Variants in RNF213 observed in about 807,000 individuals in gnomAD.
RNF213 encodes the protein E3 ubiquitin-protein ligase RNF213.
RNF213 carries 341 observed loss-of-function variants against 514.4 expected under a neutral mutation model. That is an observed-to-expected ratio of 0.66 (90% CI 0.61 to 0.73). The LOEUF (loss-of-function observed/expected upper bound fraction) is 0.73. Ranked by LOEUF, RNF213 falls within the 30% of genes least tolerant of loss-of-function variation. The pLI, the probability that RNF213 is intolerant of heterozygous loss-of-function variation, is 0.00. For missense variants in RNF213, 5,767 were observed against 6,615.6 expected (o/e 0.87, Z 4.45); for synonymous variants, 2,655 against 2,658.2 (o/e 1.00, Z 0.04).
chr17:80,307,508 G>A (rs904975281), intron 13 of RNF213, among the ~76,000 whole-genome samples: 4 of 151,326 alleles, frequency 2.6e-5, no homozygotes, highest in Admixed American at 1.3e-4. Context: ...GATTACAGGC[G>A]CACCCCACCA....
chr17:80,349,957 T>C (rs7223115), intron 30 of RNF213, 51 bp downstream of exon 30: 1,116,777 of 1,609,484 alleles, frequency 0.69, 390,791 homozygotes, highest in Middle Eastern at 0.74. Context: ...GCCGCAGCCG[T>C]GTGGCTTCTG....
rs768848497 is a variant in RNF213, at chr17:80,288,783, C to T, written c.933+28C>T. The T allele has an allele frequency of 2.5e-6, 4 of 1,613,858 alleles. No individual in the cohort carries two copies. The East Asian group carries it at 6.7e-5, about 27-fold the overall frequency. ...GCGTCTCCTTCCTGCCTGCCGGCTCCAGGAGGCCCTCTCCTGCCCACGGCT... is the reference window on the plus strand; with the variant it reads ...GCGTCTCCTTCCTGCCTGCCGGCTCTAGGAGGCCCTCTCCTGCCCACGGCT... On this transcript the variant is annotated intron_variant, in intron 5 of 67. Coordinates refer to ENST00000582970, the MANE Select transcript of RNF213 (RefSeq NM_001256071.3). The surrounding 1 kb of genome is among the most constrained non-coding windows in gnomAD (Gnocchi z 4.9).
chr17:80,368,233 CT>C, intron 44 of RNF213, 90 bp downstream of exon 44: 1 of 1,421,708 alleles, frequency 7.0e-7, no homozygotes, highest in Non-Finnish European at 9.9e-7. Context: ...CTCTATTAAC[CT>C]TCATTTGGTA....
At chr17:80,265,339 G>A (rs1296746373) in intron 2 of RNF213, among the ~76,000 whole-genome samples, 1 of 152,164 alleles carries the variant, frequency 6.6e-6, no homozygotes, top group African/African-American at 2.4e-5. Flanking sequence ...GAGCCACCGC[G>A]CCCAGCCTAA....
intron 10 of RNF213, among the ~76,000 whole-genome samples, chr17:80,297,691 G>A (rs950362285): frequency 6.6e-6 from 1 of 151,400 alleles, no homozygotes; most frequent in East Asian, 1.9e-4. Context: ...GGAGGCTGAG[G>A]CAGGAGAATG....
intron 13 of RNF213, 68 bp from the exon 14 acceptor site, chr17:80,308,950 C>A (rs2045468504): frequency 6.3e-7 from 1 of 1,588,886 alleles, no homozygotes; most frequent in African/African-American, 1.3e-5. Flanking sequence ...AGCTAGTCAT[C>A]AATGGTAACC....
At chr17:80,267,741 T>C (rs1051065001) in intron 2 of RNF213, among the ~76,000 whole-genome samples, 2 of 152,146 alleles carry the variant, frequency 1.3e-5, no homozygotes, top group African/African-American at 4.8e-5. Context: ...CAGCGAGTGC[T>C]GCTGGAGAAG....
chr17:80,372,578 G>A lies in RNF213; in HGVS notation c.12595G>A (p.Glu4199Lys). The change falls in exon 48 of 68, where the codon GAA becomes AAA. Residue 4199 changes from glutamate to lysine, a missense_variant. Physicochemically the swap from Glu to Lys is moderately conservative, Grantham distance 56 (BLOSUM62 1). This residue lies in a region of RNF213 where 1,245 missense variants were observed against 1,339.0 expected (regional missense o/e 0.93). Transcript: ENST00000582970. ...CAGAAATGATGAACTGAACCACCTA[G>A]AAGAGGAAGGTCGTTTCCTTAAGGC... is the stretch of plus-strand genomic sequence containing the variant. ...YSRNDELNHL[E>K]EEGRFLKAYS... 2 of 1,614,022 alleles carry A rather than the reference G, an allele frequency of 1.2e-6. No individual in the cohort carries two copies. The highest frequency in any genetic ancestry group is 2.2e-5 in the East Asian group (1 of 44,878).
chr17:80,321,649 A>G (rs527657548), intron 17 of RNF213, among the ~76,000 whole-genome samples: 4 of 152,304 alleles, frequency 2.6e-5, no homozygotes, highest in African/African-American at 9.6e-5. Flanking sequence ...CAGGTTCTCC[A>G]CATCCTCACT....
intron 6 of RNF213, 128 bp from the exon 7 acceptor site, chr17:80,290,440 CAT>C (rs1491527705): frequency 2.1e-5 from 23 of 1,091,068 alleles, no homozygotes; most frequent in East Asian, 9.6e-5. Flanking sequence ...CGCGTGTGTG[CAT>C]GTGTGTGTGC....
intron 6 of RNF213, 95 bp downstream of exon 6, chr17:80,289,932 C>A: frequency 2.2e-6 from 3 of 1,353,336 alleles, no homozygotes; most frequent in Non-Finnish European, 3.1e-6. Context: ...CCAGGCTGCC[C>A]TTCTAGTCAG....
intron 28 of RNF213, 22 bp from the exon 29 acceptor site, chr17:80,344,656 C>T: frequency 6.2e-7 from 1 of 1,613,824 alleles, no homozygotes; most frequent in Non-Finnish European, 8.5e-7. Context: ...GTAACCATTT[C>T]ATTAATGTCT....
At position 80,328,427 on chromosome 17, in the gene RNF213, G is replaced by T. The variant is rs762168046; in HGVS notation, c.3467G>T (p.Cys1156Phe). The change falls in exon 20 of 68, where the codon TGT (cysteine) becomes TTT (phenylalanine). Residue 1156 changes from cysteine to phenylalanine, a missense_variant. Coordinates refer to ENST00000582970, the MANE Select transcript of RNF213 (RefSeq NM_001256071.3). ...ELLLLKKEKRCVDSLLKMCGN... is the reference protein window; with the variant it reads ...ELLLLKKEKRFVDSLLKMCGN... ...TTACTTCTAAAGAAAGAGAAAAGATGTGTTGATAGTCTCCTGAAGATGTGT... is the reference window on the plus strand; with the variant it reads ...TTACTTCTAAAGAAAGAGAAAAGATTTGTTGATAGTCTCCTGAAGATGTGT... The T allele has an allele frequency of 6.5e-6, 10 of 1,537,134 alleles. No homozygotes were observed. The East Asian group carries it at 7.3e-5, about 11-fold the overall frequency.
intron 17 of RNF213, chr17:80,319,954 G>C (rs1286520794): frequency 1.1e-5 from 11 of 1,026,386 alleles, no homozygotes; most frequent in Non-Finnish European, 1.2e-5. Context: ...GGGACCAAGG[G>C]GTTCTAATTT....
chr17:80,262,820 G>A lies in RNF213; in HGVS notation c.-108-754G>A, dbSNP rs113614977. Among the ~76,000 whole-genome samples, 29 of 152,304 alleles carry A rather than the reference G, an allele frequency of 1.9e-4. 2 individuals are homozygous for A. Among genetic ancestry groups the A allele is most frequent in the African/African-American group, 6.5e-4 (27 of 41,558 alleles). Reference sequence around the variant, plus strand: ...GAGCCCACCCCAGTGGGAGGAGAGGGCAGGGCCAGGGCAGGGAGGGGGCCT... The same window carrying A: ...GAGCCCACCCCAGTGGGAGGAGAGGACAGGGCCAGGGCAGGGAGGGGGCCT... On this transcript the variant is annotated intron_variant, in intron 1 of 67. Coordinates refer to ENST00000582970, the MANE Select transcript of RNF213 (RefSeq NM_001256071.3).
intron 46 of RNF213, among the ~76,000 whole-genome samples, chr17:80,371,284 A>G (rs1046223996): frequency 6.6e-6 from 1 of 152,250 alleles, no homozygotes; most frequent in African/African-American, 2.4e-5. Flanking sequence ...TAATAGCCAC[A>G]ATCAGCTGCA....
At position 80,307,128 on chromosome 17, in the gene RNF213, G is replaced by T. The variant is rs747648727; in HGVS notation, c.2428G>T (p.Asp810Tyr). 7.4e-6 allele frequency: 12 copies of T among 1,612,158 alleles called. No homozygotes were observed. Among genetic ancestry groups the T allele is most frequent in the East Asian group, 2.2e-5 (1 of 44,864 alleles). Residue 810 changes from aspartate to tyrosine, a missense_variant and splice_region_variant, in exon 13 of 68, where the codon GAT (aspartate) becomes TAT (tyrosine). Physicochemically the swap from Asp to Tyr is radical, Grantham distance 160. Coordinates refer to ENST00000582970, the MANE Select transcript of RNF213 (RefSeq NM_001256071.3). ...GTTTTTCTTTTTTTCTCTGCCTTAGGATGTTCAGGATGTTCAGAACGTTCA... is the reference window on the plus strand; with the variant it reads ...GTTTTTCTTTTTTTCTCTGCCTTAGTATGTTCAGGATGTTCAGAACGTTCA... ...PGLEQVLNTQ[D>Y]VQDVQNVQNI...
At chr17:80,290,074 C>A (rs1372480540) in intron 6 of RNF213, among the ~76,000 whole-genome samples, 1 of 152,208 alleles carries the variant, frequency 6.6e-6, no homozygotes, top group Non-Finnish European at 1.5e-5. Flanking sequence ...TTTGGGAACT[C>A]AGGAGAGGGG....
chr17:80,379,830 G>A (rs1229163620), intron 55 of RNF213, 116 bp downstream of exon 55: 25 of 850,058 alleles, frequency 2.9e-5, no homozygotes, highest in Non-Finnish European at 4.3e-5. Flanking sequence ...GTACATGTGG[G>A]CCTGTGTCAT....
Sources: gnomAD v4.1 joint callset for allele counts (sites outside exome capture counted in the v4.1 genomes callset) on GRCh38, gnomAD v4.1.1 for gene constraint, gnomAD v4.1.1 regional missense constraint, Gnocchi (gnomAD v3.1) non-coding constraint, MANE v1.5 for transcripts, NCBI Gene and HGNC (gene_info 2026-07-23, HGNC 2026-07-21) for gene names.